Variants in RTL4 observed in about 807,000 individuals in gnomAD.
The protein encoded by RTL4 is retrotransposon Gag-like protein 4.
RTL4 carries 4 observed loss-of-function variants against 5.3 expected under a neutral mutation model. The observed-to-expected ratio is 0.75, with a 90% CI of 0.37 to 1.72. The LOEUF (loss-of-function observed/expected upper bound fraction) is 1.72. Ranked by LOEUF, RTL4 falls within the 40% of genes most tolerant of loss-of-function variation. The pLI is 0.04. For missense variants in RTL4, 260 were observed against 227.1 expected (o/e 1.14, Z -0.93); for synonymous variants, 98 against 87.3 (o/e 1.12, Z -0.68).
chrX:112,178,497 C>T, the RTL4 span, among the ~76,000 whole-genome samples: 1 of 111,957 alleles, frequency 8.9e-6, no homozygotes, highest in Admixed American at 9.5e-5. Flanking sequence ...AAGCTGTGAA[C>T]ACTAGGGGAA....
chrX:112,383,689 G>T, the RTL4 span, among the ~76,000 whole-genome samples: 1 of 111,856 alleles, frequency 8.9e-6, no homozygotes, highest in East Asian at 2.8e-4. Flanking sequence ...CACATCCTTT[G>T]CAGCAACATG....
chrX:112,432,477 G>C, the RTL4 span, among the ~76,000 whole-genome samples: 2 of 102,189 alleles, frequency 2.0e-5, no homozygotes, highest in Non-Finnish European at 4.0e-5. Context: ...TTCTCTGATG[G>C]CCAGTGATGG....
the RTL4 span, among the ~76,000 whole-genome samples, chrX:112,354,762 T>C: frequency 9.0e-6 from 1 of 110,762 alleles, no homozygotes; most frequent in Non-Finnish European, 1.9e-5. Context: ...GAAAGTGAGA[T>C]GATAGGTGTG....
the RTL4 span, among the ~76,000 whole-genome samples, chrX:112,298,348 T>C: frequency 8.9e-6 from 1 of 111,847 alleles, no homozygotes; most frequent in Non-Finnish European, 1.9e-5. Flanking sequence ...TCATAAACAT[T>C]AGTTATTACG....
chrX:112,338,439 C>T, the RTL4 span, among the ~76,000 whole-genome samples: 1 of 111,823 alleles, frequency 8.9e-6, no homozygotes. Flanking sequence ...TTCAGAAACA[C>T]AATTTGGAGT....
chrX:112,248,135 A>G, the RTL4 span, among the ~76,000 whole-genome samples: 1 of 112,605 alleles, frequency 8.9e-6, no homozygotes, highest in African/African-American at 3.2e-5. Context: ...AGTGGAAGAC[A>G]TTGCTTGTTT....
At chrX:112,178,670 T>C in the RTL4 span, among the ~76,000 whole-genome samples, 28 of 112,213 alleles carry the variant, frequency 2.5e-4, no homozygotes, top group African/African-American at 8.7e-4. Context: ...TACTGATTTA[T>C]GATTATCTCA....
the RTL4 span, among the ~76,000 whole-genome samples, chrX:112,174,359 A>C: frequency 1.0e-5 from 1 of 98,843 alleles, no homozygotes; most frequent in Admixed American, 1.1e-4. Flanking sequence ...GCGATAGTTT[A>C]CTGAGAATGA....
chrX:112,158,290 T>G, the RTL4 span, among the ~76,000 whole-genome samples: 1 of 111,612 alleles, frequency 9.0e-6, no homozygotes. Flanking sequence ...TTTAAAATAG[T>G]CTTTTAAAAA....
chrX:112,353,106 A>G, the RTL4 span, among the ~76,000 whole-genome samples: 2 of 112,158 alleles, frequency 1.8e-5, no homozygotes, highest in African/African-American at 6.5e-5. Context: ...TGGCCATCAG[A>G]GAAATGCAAA....
chrX:112,393,170 T>TTTG, the RTL4 span, among the ~76,000 whole-genome samples: 5,808 of 99,184 alleles, frequency 0.059, 665 homozygotes, highest in African/African-American at 0.24. Flanking sequence ...TGTTTTTTTT[T>TTTG]TTTGTTTGTT....
chrX:112,356,150 T>C, the RTL4 span, among the ~76,000 whole-genome samples: 2 of 111,354 alleles, frequency 1.8e-5, no homozygotes, highest in Non-Finnish European at 3.8e-5. Context: ...ATTGAGATGA[T>C]AATTTAAACA....
At chrX:112,085,350 T>G in the RTL4 span, among the ~76,000 whole-genome samples, 1 of 112,639 alleles carries the variant, frequency 8.9e-6, no homozygotes, top group East Asian at 2.8e-4. Context: ...CAGGTATGAC[T>G]GTTAAAATGT....
chrX:112,230,005 A>G, the RTL4 span, among the ~76,000 whole-genome samples: 1 of 112,513 alleles, frequency 8.9e-6, no homozygotes, highest in African/African-American at 3.2e-5. Context: ...CAGTCTGCCC[A>G]TTCTCAGATC....
the RTL4 span, among the ~76,000 whole-genome samples, chrX:112,245,400 A>G: frequency 9.7e-6 from 1 of 103,616 alleles, no homozygotes; most frequent in East Asian, 3.0e-4. Context: ...ATTTCTTTTT[A>G]CTCTTTTTTC....
At chrX:112,134,691 A>T in the RTL4 span, among the ~76,000 whole-genome samples, 1 of 112,338 alleles carries the variant, frequency 8.9e-6, no homozygotes, top group Non-Finnish European at 1.9e-5. Flanking sequence ...CAGTCCCCAG[A>T]ATTTCAGCAA....
chrX:112,099,551 T>C, the RTL4 span, among the ~76,000 whole-genome samples: 1 of 111,109 alleles, frequency 9.0e-6, no homozygotes, highest in Non-Finnish European at 1.9e-5. Flanking sequence ...AAATTTTTAG[T>C]GGTGTGAGAA....
At chrX:112,411,609 A>C in the RTL4 span, among the ~76,000 whole-genome samples, 13 of 111,707 alleles carry the variant, frequency 1.2e-4, no homozygotes, top group African/African-American at 4.2e-4. Flanking sequence ...ATACCATATT[A>C]TCATTTCAAT....
chrX:112,400,568 C>A, the RTL4 span, among the ~76,000 whole-genome samples: 3 of 111,294 alleles, frequency 2.7e-5, no homozygotes, highest in African/African-American at 9.8e-5. Flanking sequence ...TATTTACCTC[C>A]TTTTTTGTCT....
Sources: allele counts gnomAD v4.1 joint callset (sites outside exome capture counted in the v4.1 genomes callset), GRCh38; gene constraint gnomAD v4.1.1; transcripts MANE v1.5; gene names NCBI Gene and HGNC (gene_info 2026-07-23, HGNC 2026-07-21).